CLCN5: variants seen among roughly 807,000 people sequenced by gnomAD.
The protein encoded by CLCN5 is Cl-/H+ antiporter 5, also known as H(+)/Cl(-) exchange transporter 5.
CLCN5 carries 17 observed loss-of-function variants against 54.0 expected under a neutral mutation model. The ratio of observed to expected loss-of-function variants is 0.31; its 90% CI spans 0.22 to 0.47. The LOEUF is 0.47. CLCN5 is among the 20% of genes least tolerant of loss of function. The pLI is 1.00. For missense variants in CLCN5, 448 were observed against 646.7 expected (o/e 0.69, Z 3.33); for synonymous variants, 222 against 233.0 (o/e 0.95, Z 0.43).
intron 3 of CLCN5, among the ~76,000 whole-genome samples, chrX:49,959,662 G>T (rs782785424): frequency 9.0e-6 from 1 of 111,406 alleles, no homozygotes; most frequent in African/African-American, 3.3e-5. Context: ...ATTCTTTGAC[G>T]TGCATGCTAT....
At chrX:49,965,706 C>T (rs1927806357) in intron 3 of CLCN5, among the ~76,000 whole-genome samples, 2 of 112,049 alleles carry the variant, frequency 1.8e-5, no homozygotes, top group African/African-American at 6.5e-5. Context: ...GGAAAGCATC[C>T]AGTCTTTCAT....
At chrX:50,030,697 A>G (rs1330984997) in intron 3 of CLCN5, among the ~76,000 whole-genome samples, 6 of 112,106 alleles carry the variant, frequency 5.4e-5, no homozygotes, top group Non-Finnish European at 9.4e-5. Flanking sequence ...AACATTTTAA[A>G]CTTTTAAATA....
At chrX:50,040,781 A>AT (rs1164855025) in intron 3 of CLCN5, among the ~76,000 whole-genome samples, 1 of 111,773 alleles carries the variant, frequency 8.9e-6, no homozygotes, top group Non-Finnish European at 1.9e-5. Flanking sequence ...ATCCAGCATC[A>AT]TTTTTGTATC....
At chrX:50,060,281 C>A (rs200613023) in intron 4 of CLCN5, among the ~76,000 whole-genome samples, 3 of 110,656 alleles carry the variant, frequency 2.7e-5, no homozygotes, top group Non-Finnish European at 5.7e-5. Flanking sequence ...AGAGAGTGGG[C>A]GCAGGCCAGT....
chrX:49,967,256 C>G (rs1557175642), intron 3 of CLCN5, among the ~76,000 whole-genome samples: 1 of 38,245 alleles, frequency 2.6e-5, no homozygotes, highest in Non-Finnish European at 4.0e-5. Context: ...GTTCCTATTT[C>G]TCCGCATCCT....
At chrX:49,961,191 C>T (rs1481335611) in intron 3 of CLCN5, among the ~76,000 whole-genome samples, 4 of 112,344 alleles carry the variant, frequency 3.6e-5, no homozygotes, top group African/African-American at 1.3e-4. Flanking sequence ...GATCCAGTAA[C>T]ACATTACTTC....
intron 4 of CLCN5, among the ~76,000 whole-genome samples, chrX:50,047,518 G>A (rs1557187896): frequency 1.8e-5 from 2 of 110,796 alleles, no homozygotes; most frequent in Admixed American, 9.6e-5. Flanking sequence ...TTAGGAAAAC[G>A]GCCAAATTTT....
At chrX:50,049,438 A>G (rs1250920782) in intron 4 of CLCN5, among the ~76,000 whole-genome samples, 1 of 112,114 alleles carries the variant, frequency 8.9e-6, no homozygotes, top group African/African-American at 3.2e-5. Context: ...CATTTCTCAG[A>G]ATGTATCCCC....
intron 11 of CLCN5, 82 bp from the exon 12 acceptor site, chrX:50,088,616 A>G: frequency 4.3e-6 from 4 of 931,711 alleles, no homozygotes; most frequent in Non-Finnish European, 6.2e-6. Flanking sequence ...TTTGCTTTGC[A>G]GAGGGTCAGT....
chrX:49,965,376 A>T (rs1927790263), intron 3 of CLCN5, among the ~76,000 whole-genome samples: 1 of 112,072 alleles, frequency 8.9e-6, no homozygotes, highest in East Asian at 2.8e-4. Flanking sequence ...ATTTATCCCT[A>T]AGTATTTCAT....
Position 50,093,894 on chromosome X carries a change from C to A in CLCN5, c.*1675C>A, listed in dbSNP as rs1389105163. 8.9e-6 allele frequency: 1 copy of A among 111,831 alleles called. No homozygotes were observed. Among genetic ancestry groups the A allele is most frequent in the Non-Finnish European group, 1.9e-5 (1 of 53,212 alleles). The allele number at this position is 111,831 out of a possible 1,213,427, so 9.2% of individuals were successfully genotyped here. On this transcript the variant is annotated 3_prime_UTR_variant, in exon 15 of 15. Transcript: ENST00000376091. ...TGCTGCTGCCATGCCTCCATTTCCACACTGGATGCCTACGGCAGTGAGATT... is the reference window on the plus strand; with the variant it reads ...TGCTGCTGCCATGCCTCCATTTCCAAACTGGATGCCTACGGCAGTGAGATT...
intron 3 of CLCN5, among the ~76,000 whole-genome samples, chrX:49,947,044 A>G (rs1926794228): frequency 9.3e-6 from 1 of 107,334 alleles, no homozygotes; most frequent in Non-Finnish European, 1.9e-5. Context: ...CTGGTCTTGA[A>G]CTCCTGACCT....
At chrX:50,000,189 TCTCATGTGCATACA>T (rs1412645640) in intron 3 of CLCN5, among the ~76,000 whole-genome samples, 1 of 110,335 alleles carries the variant, frequency 9.1e-6, no homozygotes, top group Non-Finnish European at 1.9e-5. Context: ...TCTTTCTTTC[TCTCATGTGCATACA>T]CTCATGATAT....
chrX:50,086,997 A>C (rs1602130225), intron 11 of CLCN5, 127 bp downstream of exon 11: 1 of 617,807 alleles, frequency 1.6e-6, no homozygotes, highest in Non-Finnish European at 2.6e-6. Context: ...TTATTCCCCC[A>C]CCCCCAAAGC....
intron 3 of CLCN5, among the ~76,000 whole-genome samples, chrX:49,995,239 G>A (rs913738699): frequency 1.8e-5 from 2 of 111,606 alleles, no homozygotes; most frequent in Non-Finnish European, 3.8e-5. Context: ...TCCTGAATTA[G>A]TAAGTCACTT....
At chrX:49,969,324 T>A (rs1285406342) in intron 3 of CLCN5, among the ~76,000 whole-genome samples, 2 of 112,244 alleles carry the variant, frequency 1.8e-5, no homozygotes, top group Non-Finnish European at 1.9e-5. Flanking sequence ...GTGATCTGCC[T>A]GCCTCAGCCT....
intron 4 of CLCN5, among the ~76,000 whole-genome samples, chrX:50,045,142 G>T (rs1233907833): frequency 1.8e-5 from 2 of 111,223 alleles, no homozygotes; most frequent in Non-Finnish European, 3.8e-5. Context: ...ACTAATTTGG[G>T]GTGAACATAC....
At chrX:49,969,964 C>T (rs781825977) in intron 3 of CLCN5, among the ~76,000 whole-genome samples, 2 of 111,415 alleles carry the variant, frequency 1.8e-5, no homozygotes, top group South Asian at 7.5e-4. Context: ...TTACTATGTA[C>T]TTTTGATGAA....
Position 50,070,042 on chromosome X carries a change from G to A in CLCN5, c.315+12G>A, listed in dbSNP as rs781796383. 126 of 1,192,651 alleles carry A rather than the reference G, an allele frequency of 1.1e-4. No individual in the cohort carries two copies. In the Admixed American group the frequency reaches 2.2e-3, roughly 21 times the overall value. On this transcript the variant is annotated intron_variant, in intron 5 of 14. Coordinates refer to ENST00000376091, the MANE Select transcript of CLCN5 (RefSeq NM_001127898.4). ...ATAGGCACCGAGAGGTAAGACAAAA[G>A]ATGGCACATGGGTAAGTGTTAGGAA...
Sources: allele counts gnomAD v4.1 joint callset (sites outside exome capture counted in the v4.1 genomes callset), GRCh38; gene constraint gnomAD v4.1.1; transcripts MANE v1.5; gene names NCBI Gene and HGNC (gene_info 2026-07-23, HGNC 2026-07-21).